The following FAM199X variants were observed in gnomAD, a reference collection of about 807,000 sequenced individuals.
The protein encoded by FAM199X is protein FAM199X.
A neutral mutation model predicts 22.9 loss-of-function variants in FAM199X; 4 were observed. The observed-to-expected ratio is 0.17, with a 90% CI of 0.09 to 0.40. FAM199X has a LOEUF of 0.40. Among genes scored for constraint, FAM199X ranks in the 10% least tolerant of loss-of-function variants. The probability of loss-of-function intolerance (pLI) is 1.00; values close to 1 mark genes in which losing one functional copy is unlikely to be tolerated. For missense variants in FAM199X, 183 were observed against 306.8 expected, an observed-to-expected ratio of 0.60 and a Z score of 3.01; for synonymous variants, 101 against 112.3, an observed-to-expected ratio of 0.90 and a Z score of 0.64.
rs1921207785 is a variant in FAM199X, at chrX:104,166,821, G to T, written c.36G>T (p.Glu12Asp). 5.8e-6 allele frequency: 7 copies of T among 1,207,589 alleles called. No individual in the cohort carries two copies. The highest frequency in any genetic ancestry group is 6.7e-6 in the Non-Finnish European group (6 of 893,499). The stretch of plus-strand genomic sequence containing the variant: ...AGGCCTCGGCCATCACTTCCTACGA[G>T]AAGTTTCTAACCCCCGAGGAGCCCT... The part of the protein sequence containing the change: ...SDEASAITSY[E>D]KFLTPEEPFP... Residue 12 changes from glutamate (E) to aspartate (D), a missense_variant, in exon 1 of 6, where the codon GAG (glutamate) becomes GAT (aspartate). Physicochemically the swap from Glu to Asp is conservative, Grantham distance 45. Transcript: ENST00000493442.
chrX:104,179,494 A>G (rs1556377297), intron 2 of FAM199X, among the ~76,000 whole-genome samples: 1 of 111,984 alleles, frequency 8.9e-6, no homozygotes, highest in Non-Finnish European at 1.9e-5. Context: ...TTGATTTTGT[A>G]TCCTGCCAAC....
intron 4 of FAM199X, 105 bp downstream of exon 4, chrX:104,186,726 A>G: frequency 2.8e-6 from 2 of 720,995 alleles, no homozygotes; most frequent in Non-Finnish European, 3.9e-6. Context: ...TAAGGCCAAA[A>G]TCACTGCTGC....
the FAM199X span, among the ~76,000 whole-genome samples, chrX:104,157,918 C>A: frequency 2.7e-5 from 3 of 112,386 alleles, no homozygotes; most frequent in Admixed American, 2.8e-4. Context: ...GTGCTTTAAA[C>A]CCATTTTGTT....
chrX:104,161,854 AAAG>A (rs1432168073), upstream of FAM199X, among the ~76,000 whole-genome samples: 20 of 111,369 alleles, frequency 1.8e-4, no homozygotes, highest in African/African-American at 3.9e-4. Context: ...ACCAAAAAAA[AAAG>A]AAGAAGAAGA....
intron 2 of FAM199X, among the ~76,000 whole-genome samples, chrX:104,178,239 T>C (rs191164917): frequency 1.0e-3 from 111 of 111,020 alleles, no homozygotes; most frequent in Non-Finnish European, 1.6e-3. Context: ...CAATCTCAGC[T>C]CACTGCACCC....
At chrX:104,177,320 C>T (rs2147892562) in intron 2 of FAM199X, among the ~76,000 whole-genome samples, 1 of 111,967 alleles carries the variant, frequency 8.9e-6, no homozygotes, top group South Asian at 3.7e-4. Context: ...GCTAATATTC[C>T]ATTGTGTAGA....
chrX:104,188,768 C>G (rs1376338498), intron 5 of FAM199X, among the ~76,000 whole-genome samples: 1 of 110,251 alleles, frequency 9.1e-6, no homozygotes, highest in Non-Finnish European at 1.9e-5. Context: ...TAATTTCTGT[C>G]TACTCTTTTC....
At chrX:104,167,421 T>C (rs1378497194) in intron 1 of FAM199X, among the ~76,000 whole-genome samples, 2 of 109,973 alleles carry the variant, frequency 1.8e-5, no homozygotes, top group Admixed American at 9.7e-5. Flanking sequence ...AAAGTGGCGT[T>C]GAAAGGTGGA....
At chrX:104,175,914 T>A (rs1921478858) in intron 2 of FAM199X, 72 bp downstream of exon 2, 1 of 723,316 alleles carries the variant, frequency 1.4e-6, no homozygotes, top group Admixed American at 3.1e-5. Flanking sequence ...TTTGATATTT[T>A]CATCTCTACT....
the FAM199X span, among the ~76,000 whole-genome samples, chrX:104,159,671 A>G: frequency 8.9e-6 from 1 of 111,978 alleles, no homozygotes; most frequent in Admixed American, 9.5e-5. Flanking sequence ...GCTGGTGACC[A>G]GTTCAGGCCC....
Position 104,184,387 on chromosome X carries a change from G to A in FAM199X, c.418-1679G>A, listed in dbSNP as rs782306943. ...GCAAAAAGGTACTGTTTTATACCTT[G>A]TAAAAATGAAGTCAGTATATTTGAA... On this transcript the variant is annotated intron_variant, in intron 2 of 5. Coordinates refer to ENST00000493442, the MANE Select transcript of FAM199X (RefSeq NM_207318.4). Among the ~76,000 whole-genome samples, 7 of 112,035 alleles carry A rather than the reference G, an allele frequency of 6.2e-5. No homozygotes were observed. In the South Asian group the frequency reaches 1.8e-3, roughly 29 times the overall value.
At chrX:104,172,675 T>G (rs782397136) in intron 1 of FAM199X, among the ~76,000 whole-genome samples, 38 of 110,162 alleles carry the variant, frequency 3.4e-4, no homozygotes, top group Admixed American at 6.8e-4. Context: ...GATCTAATGG[T>G]TAGATTACTA....
At chrX:104,184,608 T>G (rs1921748826) in intron 2 of FAM199X, among the ~76,000 whole-genome samples, 1 of 110,997 alleles carries the variant, frequency 9.0e-6, no homozygotes. Context: ...TATAAAATTA[T>G]AGCATGTATT....
chrX:104,162,124 G>A (rs1921057457), upstream of FAM199X, among the ~76,000 whole-genome samples: 4 of 112,049 alleles, frequency 3.6e-5, no homozygotes, highest in African/African-American at 1.3e-4. Flanking sequence ...TTATGCAAAT[G>A]AAGGATACAA....
chrX:104,183,288 G>A (rs1921709858), intron 2 of FAM199X, among the ~76,000 whole-genome samples: 1 of 107,914 alleles, frequency 9.3e-6, no homozygotes, highest in Non-Finnish European at 1.9e-5. Context: ...GATTTCTGAT[G>A]TGATTTGAAG....
Position 104,191,586 on chromosome X carries a change from A to C in FAM199X, c.*1808A>C, listed in dbSNP as rs1232560814. The C allele has an allele frequency of 1.8e-5, 2 of 111,320 alleles. No individual in the cohort carries two copies. Among genetic ancestry groups the C allele is most frequent in the African/African-American group, 6.6e-5 (2 of 30,425 alleles). 9.2% of individuals were successfully genotyped at this position (111,320 alleles called of 1,213,427 possible). Reference sequence around the variant, plus strand: ...CTTAACCTCACTGTTTTCCCTTCCAAGTATAGGAAGAGCAAATAGAGCATA... The same window carrying C: ...CTTAACCTCACTGTTTTCCCTTCCACGTATAGGAAGAGCAAATAGAGCATA... On this transcript the variant is annotated 3_prime_UTR_variant, in exon 6 of 6. Transcript: ENST00000493442.
intron 1 of FAM199X, among the ~76,000 whole-genome samples, chrX:104,167,247 C>A (rs1921230783): frequency 9.4e-6 from 1 of 106,143 alleles, no homozygotes; most frequent in Non-Finnish European, 1.9e-5. Flanking sequence ...CCCTCCCTTG[C>A]TTCCCTTCCC....
chrX:104,169,098 G>A (rs180778259), intron 1 of FAM199X, among the ~76,000 whole-genome samples: 86 of 111,561 alleles, frequency 7.7e-4, no homozygotes, highest in African/African-American at 2.8e-3. Context: ...CCTCAAGATG[G>A]TGCTTGAGAG....
intron 1 of FAM199X, 81 bp downstream of exon 1, chrX:104,167,063 C>G (rs1244884068): frequency 3.7e-5 from 33 of 898,736 alleles, no homozygotes; most frequent in Non-Finnish European, 4.4e-5. Flanking sequence ...CCGGGCTGCG[C>G]TTCCAGTCGC....
Sources: allele counts gnomAD v4.1 joint callset (sites outside exome capture counted in the v4.1 genomes callset), GRCh38; gene constraint gnomAD v4.1.1; transcripts MANE v1.5; gene names NCBI Gene and HGNC (gene_info 2026-07-23, HGNC 2026-07-21).